The following NBAS variants were observed in gnomAD, a reference collection of about 807,000 sequenced individuals.
NBAS encodes NAG/BC035112 fusion.
A neutral mutation model predicts 302.5 loss-of-function variants in NBAS; 219 were observed. The observed-to-expected ratio is 0.72, with a 90% CI of 0.65 to 0.81. The LOEUF is 0.81. Among genes scored for constraint, NBAS ranks in the 30% least tolerant of loss-of-function variants. The pLI, the probability that NBAS is intolerant of heterozygous loss-of-function variation, is 0.00. For missense variants in NBAS, 2,932 were observed against 2,841.6 expected (o/e 1.03, Z -0.72); for synonymous variants, 1,118 against 1,021.6 (o/e 1.09, Z -1.80).
the NBAS span, among the ~76,000 whole-genome samples, chr2:14,964,844 A>T: frequency 6.6e-6 from 1 of 152,200 alleles, no homozygotes; most frequent in Non-Finnish European, 1.5e-5. Flanking sequence ...TATGTTGTCC[A>T]GCCAAATGAA....
the NBAS span, among the ~76,000 whole-genome samples, chr2:14,981,246 G>A: frequency 0.075 from 11,478 of 152,124 alleles, 1,138 homozygotes; most frequent in African/African-American, 0.22. Flanking sequence ...TGATCTTCCA[G>A]TCTGCAGAGA....
chr2:15,286,881 A>T (rs1670065229), intron 42 of NBAS, among the ~76,000 whole-genome samples, 192 bp downstream of exon 42: 1 of 152,232 alleles, frequency 6.6e-6, no homozygotes, highest in East Asian at 1.9e-4. Context: ...TTCAGTAAAA[A>T]CATTTGAATG....
the NBAS span, among the ~76,000 whole-genome samples, chr2:14,928,633 T>C: frequency 2.0e-5 from 3 of 152,130 alleles, no homozygotes; most frequent in Non-Finnish European, 4.4e-5. Flanking sequence ...GAAATTCAGT[T>C]TAGTTTAAGA....
At chr2:15,344,897 C>T (rs1256707889) in intron 35 of NBAS, among the ~76,000 whole-genome samples, 6 of 152,106 alleles carry the variant, frequency 3.9e-5, no homozygotes, top group Admixed American at 3.9e-4. Context: ...ATAAACAGAA[C>T]CAATGACAAA....
At position 15,474,340 on chromosome 2, in the gene NBAS, A is replaced by T; in HGVS notation, c.1342-16T>A. On this transcript the variant is annotated splice_polypyrimidine_tract_variant and intron_variant, in intron 14 of 51. Coordinates refer to ENST00000281513, the MANE Select transcript of NBAS (RefSeq NM_015909.4). ...TAATCTCACACTAAATTGAAAAAGGAGATTTGAAGTTAATAGTAAGGAAAT... is the reference window on the plus strand; with the variant it reads ...TAATCTCACACTAAATTGAAAAAGGTGATTTGAAGTTAATAGTAAGGAAAT... The T allele has an allele frequency of 6.2e-7, 1 of 1,604,550 alleles. No homozygotes were observed. Among genetic ancestry groups the T allele is most frequent in the African/African-American group, 1.3e-5 (1 of 74,670 alleles).
chr2:15,347,835 G>A (rs756040635), intron 35 of NBAS, among the ~76,000 whole-genome samples: 3 of 152,114 alleles, frequency 2.0e-5, no homozygotes, highest in African/African-American at 7.2e-5. Flanking sequence ...CACAAATTAT[G>A]CATTTTGTTC....
At chr2:14,818,539 T>G in the NBAS span, among the ~76,000 whole-genome samples, 1 of 152,216 alleles carries the variant, frequency 6.6e-6, no homozygotes, top group African/African-American at 2.4e-5. Context: ...GGTTTCTCTT[T>G]TCCCCCATTC....
At chr2:15,399,051 A>G (rs984079180) in intron 26 of NBAS, among the ~76,000 whole-genome samples, 2 of 152,218 alleles carry the variant, frequency 1.3e-5, no homozygotes, top group African/African-American at 4.8e-5. Flanking sequence ...TTTTAATATC[A>G]TCAGCCTATT....
At chr2:14,783,840 A>C in the NBAS span, among the ~76,000 whole-genome samples, 1 of 151,812 alleles carries the variant, frequency 6.6e-6, no homozygotes, top group Non-Finnish European at 1.5e-5. Flanking sequence ...ATACCCAGTA[A>C]TGGGATGGCT....
chr2:14,956,101 A>G, the NBAS span, among the ~76,000 whole-genome samples: 3 of 152,312 alleles, frequency 2.0e-5, no homozygotes, highest in East Asian at 3.9e-4. Context: ...CTCTCAGTTC[A>G]AAGTTCCACA....
rs371760450 is a variant in NBAS at position 15,439,964 on chromosome 2, G to A, written c.2340-12170C>T. On this transcript the variant is annotated intron_variant, in intron 21 of 51. Transcript: ENST00000281513. ...CAGTGAGGCTGGGGGAGGGGCAACC[G>A]CCATTGCCCAGACTTGCTTAGGTAA... Among the ~76,000 whole-genome samples, 41 of 152,368 alleles carry A rather than the reference G, an allele frequency of 2.7e-4. 1 individual carries two copies. The highest frequency in any genetic ancestry group is 1.7e-3 in the South Asian group (8 of 4,834).
At chr2:14,876,419 A>G in the NBAS span, among the ~76,000 whole-genome samples, 1 of 152,236 alleles carries the variant, frequency 6.6e-6, no homozygotes, top group South Asian at 2.1e-4. Flanking sequence ...TACTAGGTCT[A>G]GGACCTCCAC....
chr2:14,983,036 CT>C, the NBAS span, among the ~76,000 whole-genome samples: 1 of 152,184 alleles, frequency 6.6e-6, no homozygotes, highest in African/African-American at 2.4e-5. Context: ...GACATAGAAT[CT>C]TTAGGCTACA....
chr2:15,206,678 C>G (rs1429588825), intron 48 of NBAS, among the ~76,000 whole-genome samples: 1 of 152,208 alleles, frequency 6.6e-6, no homozygotes. Context: ...GCCACTCAGG[C>G]TCCAGCTGTG....
intron 46 of NBAS, among the ~76,000 whole-genome samples, chr2:15,232,752 C>G (rs1475774089): frequency 6.6e-6 from 1 of 152,168 alleles, no homozygotes; most frequent in East Asian, 1.9e-4. Context: ...AAGAGAATAA[C>G]ACATTCTACT....
chr2:15,238,602 A>C lies in NBAS; in HGVS notation c.5809T>G (p.Ser1937Ala). ...TTAGCTTCTTGAGCTTCGTCTTCTG[A>C]GTTTCTTTTCCTTGGCTTCTCAATA... ...HFIEKPRKRN[S>A]EDEAQEAKDS... is the part of the protein sequence containing the mutation. Residue 1937 changes from serine to alanine, a missense_variant, in exon 45 of 52, where the codon TCA becomes GCA. Transcript: ENST00000281513. 1 of 1,613,580 alleles carries C rather than the reference A, an allele frequency of 6.2e-7. No homozygotes were observed. Among genetic ancestry groups the C allele is most frequent in the Non-Finnish European group, 8.5e-7 (1 of 1,179,928 alleles).
the NBAS span, among the ~76,000 whole-genome samples, chr2:14,912,448 A>G: frequency 2.0e-5 from 3 of 152,174 alleles, no homozygotes; most frequent in Admixed American, 2.0e-4. Flanking sequence ...AGTTGGGAAA[A>G]TCTGACTCCA....
intron 19 of NBAS, 34 bp downstream of exon 19, chr2:15,467,295 G>T: frequency 2.1e-6 from 3 of 1,414,872 alleles, no homozygotes; most frequent in South Asian, 1.2e-5. Context: ...CAGATCAAAT[G>T]AACATAATTG....
chr2:15,080,063 CA>C, the NBAS span, among the ~76,000 whole-genome samples: 1 of 152,146 alleles, frequency 6.6e-6, no homozygotes, highest in Non-Finnish European at 1.5e-5. Flanking sequence ...CAAAGGAGAA[CA>C]AGCCCCACCC....
Sources: gnomAD v4.1 joint callset for allele counts (sites outside exome capture counted in the v4.1 genomes callset) on GRCh38, gnomAD v4.1.1 for gene constraint, MANE v1.5 for transcripts, NCBI Gene and HGNC (gene_info 2026-07-23, HGNC 2026-07-21) for gene names.